The following STAT2 variants were observed in gnomAD, a reference collection of about 807,000 sequenced individuals.
STAT2 encodes the protein interferon alpha induced transcriptional activator.
STAT2 carries 51 observed loss-of-function variants against 122.3 expected under a neutral mutation model. The observed-to-expected ratio is 0.42, with a 90% CI of 0.33 to 0.53. The LOEUF (loss-of-function observed/expected upper bound fraction) is 0.53, where lower values mean the gene tolerates loss of function less well. Among genes scored for constraint, STAT2 ranks in the 20% least tolerant of loss-of-function variants. The probability of loss-of-function intolerance (pLI) is 0.10; values close to 1 mark genes in which losing one functional copy is unlikely to be tolerated. For synonymous variants in STAT2, 351 were observed against 394.9 expected, an observed-to-expected ratio of 0.89 and a Z score of 1.32; for missense variants, 736 against 1,010.3, an observed-to-expected ratio of 0.73 and a Z score of 3.68.
rs1352168823 is a variant in STAT2, at chr12:56,351,002, G to T, written c.1034+96C>A. Reference sequence around the variant, plus strand: ...GAGGTAGGGAGATTGCAGGGAAAGAGAAGAAAAAGCCAAGAGTGGGAAGAG... The same window carrying T: ...GAGGTAGGGAGATTGCAGGGAAAGATAAGAAAAAGCCAAGAGTGGGAAGAG... On this transcript the variant is annotated intron_variant, in intron 10 of 23. Transcript: ENST00000314128. 3.2e-6 allele frequency: 5 copies of T among 1,570,348 alleles called. No homozygotes were observed. The African/African-American group carries it at 6.8e-5, about 21-fold the overall frequency.
rs956897271 is a variant in STAT2 at position 56,349,028 on chromosome 12, G to A, written c.1472C>T (p.Ala491Val). The part of the protein sequence containing the change: ...NQQFFSNPPK[A>V]PWSLLGPALS... ...AGCAGGGCCCAGCAAGCTCCAGGGG[G>A]CCTTGGGGGGGTTGGAGAAGAACTG... Residue 491 changes from alanine (A) to valine (V), a missense_variant, in exon 17 of 24, where the codon GCC becomes GTC. Physicochemically the swap from Ala to Val is moderately conservative, Grantham distance 64 (BLOSUM62 0). Transcript: ENST00000314128. 7.4e-6 allele frequency: 12 copies of A among 1,613,544 alleles called. No individual in the cohort carries two copies. In the South Asian group the frequency reaches 1.3e-4, roughly 18 times the overall value.
chr12:56,348,107 G>A (rs1421028124), intron 19 of STAT2, among the ~76,000 whole-genome samples: 1 of 36,096 alleles, frequency 2.8e-5, no homozygotes, highest in African/African-American at 8.3e-5. Context: ...TTTTTTTTTT[G>A]AGACGGAGTC....
At position 56,344,073 on chromosome 12, in the gene STAT2, T is replaced by C; in HGVS notation, c.2165A>G (p.Glu722Gly). Reference protein sequence around the residue: ...LKPEPELESLELELGLVPEPE... With the variant: ...LKPEPELESLGLELGLVPEPE... ...CTCTGGCACCAGCCCTAGTTCCAGCTCTAATGACTCCAGCTCTGGCTCTGG... is the reference window on the plus strand; with the variant it reads ...CTCTGGCACCAGCCCTAGTTCCAGCCCTAATGACTCCAGCTCTGGCTCTGG... The change falls in exon 23 of 24, where the codon GAG becomes GGG. Residue 722 changes from glutamate (E) to glycine (G), a missense_variant. Coordinates refer to ENST00000314128, the MANE Select transcript of STAT2 (RefSeq NM_005419.4). 1 of 1,601,046 alleles carries C rather than the reference T, an allele frequency of 6.2e-7. No homozygotes were observed.
In STAT2 at chr12:56,356,148, A is replaced by C; in HGVS notation, c.269T>G (p.Phe90Cys). 6.2e-7 allele frequency: 1 copy of C among 1,614,120 alleles called. No homozygotes were observed. ...TCCAAGTACCTGAATGTCCCGGCAG[A>C]ATTTCCGCAAATTGTGCTGCAGCAA... ...SLLLQHNLRK[F>C]CRDIQPFSQD... is the part of the protein sequence containing the mutation. Residue 90 changes from phenylalanine (F) to cysteine (C), a missense_variant, in exon 3 of 24, where the codon TTC (phenylalanine) becomes TGC (cysteine). By Grantham distance (205) the Phe-to-Cys change is radical (BLOSUM62 -2). Transcript: ENST00000314128.
At chr12:56,346,749 AGGCAG>A in intron 20 of STAT2, 65 bp downstream of exon 20, 1 of 1,608,576 alleles carries the variant, frequency 6.2e-7, no homozygotes, top group Non-Finnish European at 8.5e-7. Context: ...AGCCAAGGGC[AGGCAG>A]AGGGGCAAGA....
Position 56,357,737 on chromosome 12 carries a change from G to A in STAT2, c.-7-1159C>T, listed in dbSNP as rs544146989. 3.5e-5 allele frequency among the ~76,000 whole-genome samples: 5 copies of A among 144,386 alleles called. No individual in the cohort carries two copies. The East Asian group carries it at 1.0e-3, about 30-fold the overall frequency. The allele number at this position is 144,386 out of a possible 152,430, so 94.7% of individuals were successfully genotyped here. On this transcript the variant is annotated intron_variant, in intron 1 of 23. Coordinates refer to ENST00000314128, the MANE Select transcript of STAT2 (RefSeq NM_005419.4). ...TTTTTTTTTTTTTTTTTTGAGACAG[G>A]GTCTCACTTGGTCACCCAGGCTGGA...
Position 56,343,221 on chromosome 12 carries a change from A to G in STAT2, c.*168T>C. The G allele has an allele frequency of 5.9e-6, 5 of 848,256 alleles. No individual in the cohort carries two copies. The highest frequency in any genetic ancestry group is 7.1e-6 in the Non-Finnish European group (4 of 559,720). The allele number at this position is 848,256 out of a possible 1,614,324, so 52.5% of individuals were successfully genotyped here. ...ATTCATTGTTGTCCCCTCTGTACCC[A>G]TGTTATGCTTTCACCTCTCACCCCA... is the stretch of plus-strand genomic sequence containing the variant. On this transcript the variant is annotated 3_prime_UTR_variant, in exon 24 of 24. Coordinates refer to ENST00000314128, the MANE Select transcript of STAT2 (RefSeq NM_005419.4).
chr12:56,355,102 C>A, intron 6 of STAT2, 174 bp downstream of exon 6: 1 of 760,314 alleles, frequency 1.3e-6, no homozygotes, highest in South Asian at 1.7e-5. Context: ...CTCTCAGCTG[C>A]ACCTCCAGCT....
chr12:56,348,482 A>G, intron 19 of STAT2, 47 bp downstream of exon 19: 1 of 1,603,408 alleles, frequency 6.2e-7, no homozygotes, highest in Admixed American at 1.7e-5. Context: ...TCCACTCTCA[A>G]GCCCGGAAAG....
intron 1 of STAT2, among the ~76,000 whole-genome samples, chr12:56,359,427 A>G (rs1221710072): frequency 6.6e-6 from 1 of 152,120 alleles, no homozygotes; most frequent in East Asian, 1.9e-4. Context: ...AAAAAAATTA[A>G]TGATGAGGTC....
At chr12:56,343,577 G>A (rs1456166744) in intron 23 of STAT2, 46 bp from the exon 24 acceptor site, 2 of 1,595,998 alleles carry the variant, frequency 1.3e-6, no homozygotes, top group East Asian at 2.2e-5. Flanking sequence ...TTAGTTAGGA[G>A]TTCCCAACCC....
At chr12:56,352,497 C>T (rs990256042) in intron 8 of STAT2, 2 of 151,642 alleles carry the variant, frequency 1.3e-5, no homozygotes, top group Non-Finnish European at 2.9e-5. Flanking sequence ...GTGGCTCACA[C>T]CTGTAATCTC....
chr12:56,346,423 G>A lies in STAT2; in HGVS notation c.2044+19C>T, dbSNP rs1300790508. 1.9e-6 allele frequency: 3 copies of A among 1,613,694 alleles called. No homozygotes were observed. Among genetic ancestry groups the A allele is most frequent in the Admixed American group, 1.7e-5 (1 of 59,984 alleles). On this transcript the variant is annotated intron_variant, in intron 21 of 23. Transcript: ENST00000314128. Reference sequence around the variant, plus strand: ...TAGATCTCTGCAATCTAGCAATGAAGTATGTCAACGATTCCCACCTTTCTC... The same window carrying A: ...TAGATCTCTGCAATCTAGCAATGAAATATGTCAACGATTCCCACCTTTCTC...
intron 13 of STAT2, chr12:56,349,858 G>A (rs112146614): frequency 2.1e-5 from 14 of 656,434 alleles, no homozygotes; most frequent in South Asian, 5.6e-5. Flanking sequence ...AGACCAGCCC[G>A]ACCAATATGG....
chr12:56,345,149 G>A (rs1047006509), intron 22 of STAT2, among the ~76,000 whole-genome samples: 11 of 143,938 alleles, frequency 7.6e-5, no homozygotes, highest in Non-Finnish European at 1.1e-4. Flanking sequence ...ACTCCAGCCC[G>A]GGCAATGAGA....
In STAT2 at chr12:56,357,535, T is replaced by C. The variant is rs988716128; in HGVS notation, c.-7-957A>G. 3.3e-5 allele frequency among the ~76,000 whole-genome samples: 5 copies of C among 151,402 alleles called. No individual in the cohort carries two copies. In the South Asian group the frequency reaches 8.4e-4, roughly 25 times the overall value. On this transcript the variant is annotated intron_variant, in intron 1 of 23. Coordinates refer to ENST00000314128, the MANE Select transcript of STAT2 (RefSeq NM_005419.4). ...TTTTTTTTTGTATTTTTAGTAGAGATGGGGTTTCACCGTGTTAGCCAGGAT... is the reference window on the plus strand; with the variant it reads ...TTTTTTTTTGTATTTTTAGTAGAGACGGGGTTTCACCGTGTTAGCCAGGAT...
At chr12:56,346,247 G>GAC in intron 21 of STAT2, 44 bp from the exon 22 acceptor site, 1 of 1,611,168 alleles carries the variant, frequency 6.2e-7, no homozygotes, top group Non-Finnish European at 8.5e-7. Flanking sequence ...CAGTGGGCCA[G>GAC]ACATATAGCC....
At chr12:56,359,813 C>T (rs1250568333) in intron 1 of STAT2, among the ~76,000 whole-genome samples, 1 of 152,180 alleles carries the variant, frequency 6.6e-6, no homozygotes, top group Non-Finnish European at 1.5e-5. Flanking sequence ...ACCGAACCAA[C>T]ATAACAATGC....
chr12:56,356,342 GC>G, intron 2 of STAT2, 57 bp from the exon 3 acceptor site: 1 of 1,605,782 alleles, frequency 6.2e-7, no homozygotes, highest in Non-Finnish European at 8.5e-7. Context: ...TAGTCCTGAG[GC>G]TTTCCAACCC....
Sources: allele counts gnomAD v4.1 joint callset (sites outside exome capture counted in the v4.1 genomes callset), GRCh38; gene constraint gnomAD v4.1.1; transcripts MANE v1.5; gene names NCBI Gene and HGNC (gene_info 2026-07-23, HGNC 2026-07-21).